The following GALNTL6 variants were observed in gnomAD, a reference collection of about 807,000 sequenced individuals.
GALNTL6 encodes polypeptide N-acetylgalactosaminyltransferase like 6.
Under a neutral mutation model 73.7 loss-of-function variants are expected in GALNTL6, and 46 were observed. The observed-to-expected ratio is 0.62, with a 90% confidence interval of 0.49 to 0.80. The LOEUF (loss-of-function observed/expected upper bound fraction) is 0.80. Among genes scored for constraint, GALNTL6 ranks in the 30% least tolerant of loss-of-function variants. The pLI, the probability that GALNTL6 is intolerant of heterozygous loss-of-function variation, is 0.00. For missense variants in GALNTL6, 604 were observed against 755.0 expected (o/e 0.80, Z 2.34); for synonymous variants, 259 against 263.7 (o/e 0.98, Z 0.17).
At chr4:172,458,414 A>G (rs1561092201) in intron 5 of GALNTL6, among the ~76,000 whole-genome samples, 2 of 151,754 alleles carry the variant, frequency 1.3e-5, no homozygotes, top group Non-Finnish European at 2.9e-5. Flanking sequence ...ACCCTGCAAA[A>G]ACTCAGTGAA....
chr4:173,022,692 T>C (rs1172608179), intron 12 of GALNTL6, among the ~76,000 whole-genome samples: 1 of 152,234 alleles, frequency 6.6e-6, no homozygotes, highest in Non-Finnish European at 1.5e-5. Flanking sequence ...TGCCCAAATG[T>C]AGCAAAGAAG....
intron 5 of GALNTL6, among the ~76,000 whole-genome samples, chr4:172,605,995 T>C (rs528477677): frequency 3.8e-5 from 5 of 132,118 alleles, no homozygotes; most frequent in African/African-American, 1.2e-4. Flanking sequence ...CACCCCATTC[T>C]CCCAGTGTGT....
At chr4:172,876,719 T>C (rs540232685) in intron 7 of GALNTL6, among the ~76,000 whole-genome samples, 37 of 152,354 alleles carry the variant, frequency 2.4e-4, no homozygotes, top group African/African-American at 8.7e-4. Flanking sequence ...ACATGAATTA[T>C]ACAAATGAAT....
intron 2 of GALNTL6, among the ~76,000 whole-genome samples, chr4:171,826,985 C>G (rs571679): frequency 6.6e-6 from 1 of 151,786 alleles, no homozygotes; most frequent in Non-Finnish European, 1.5e-5. Flanking sequence ...GAGTGTCAAC[C>G]TTAAATAATG....
intron 5 of GALNTL6, among the ~76,000 whole-genome samples, chr4:172,680,097 G>T (rs770593670): frequency 1.3e-5 from 2 of 152,016 alleles, no homozygotes; most frequent in African/African-American, 2.4e-5. Context: ...TCTTAAAATG[G>T]ACACTAATAA....
intron 2 of GALNTL6, among the ~76,000 whole-genome samples, chr4:172,178,642 G>A (rs1158859352): frequency 6.9e-6 from 1 of 145,290 alleles, no homozygotes; most frequent in South Asian, 2.2e-4. Context: ...GTGTATATGT[G>A]ACACATTTTC....
At chr4:172,757,955 T>C (rs1020878462) in intron 5 of GALNTL6, among the ~76,000 whole-genome samples, 2 of 152,244 alleles carry the variant, frequency 1.3e-5, no homozygotes, top group African/African-American at 4.8e-5. Context: ...GCCGAAGTTC[T>C]ATAGTGGTGT....
chr4:171,958,706 C>T (rs1739128534), intron 2 of GALNTL6, among the ~76,000 whole-genome samples: 1 of 151,982 alleles, frequency 6.6e-6, no homozygotes, highest in African/African-American at 2.4e-5. Flanking sequence ...ATTAATCTTC[C>T]TCTTTGTGAT....
At chr4:172,449,678 C>G (rs1732142978) in intron 5 of GALNTL6, among the ~76,000 whole-genome samples, 1 of 152,168 alleles carries the variant, frequency 6.6e-6, no homozygotes, top group African/African-American at 2.4e-5. Flanking sequence ...TATCAAACTT[C>G]TAAATAGTGT....
intron 5 of GALNTL6, among the ~76,000 whole-genome samples, chr4:172,366,021 A>G (rs1472598547): frequency 2.0e-5 from 3 of 152,210 alleles, no homozygotes; most frequent in Non-Finnish European, 4.4e-5. Flanking sequence ...AGATAATTTG[A>G]CAGCATGTGT....
At chr4:172,069,491 A>ATG (rs1164884037) in intron 2 of GALNTL6, among the ~76,000 whole-genome samples, 2 of 74,218 alleles carry the variant, frequency 2.7e-5, no homozygotes, top group African/African-American at 4.5e-5. Flanking sequence ...TATAACACAT[A>ATG]TGTTATATGT....
At chr4:172,105,092 A>G (rs559934549) in intron 2 of GALNTL6, among the ~76,000 whole-genome samples, 4 of 152,122 alleles carry the variant, frequency 2.6e-5, no homozygotes, top group East Asian at 3.9e-4. Context: ...GTTCAAAGGG[A>G]AAAAAAAGAA....
At chr4:172,088,043 G>A (rs1364273851) in intron 2 of GALNTL6, among the ~76,000 whole-genome samples, 1 of 152,112 alleles carries the variant, frequency 6.6e-6, no homozygotes, top group Non-Finnish European at 1.5e-5. Flanking sequence ...TCAGAACAAA[G>A]TAGTTACTGG....
chr4:172,005,427 T>G (rs1740809837), intron 2 of GALNTL6, among the ~76,000 whole-genome samples: 1 of 152,096 alleles, frequency 6.6e-6, no homozygotes, highest in African/African-American at 2.4e-5. Context: ...GCCCCAGGAC[T>G]TAAAAAGCTT....
chr4:172,095,280 C>T lies in GALNTL6; in HGVS notation c.139-134376C>T, dbSNP rs188890867. Among the ~76,000 whole-genome samples the T allele has an allele frequency of 4.1e-4, 62 of 152,162 alleles. No homozygotes were observed. The East Asian group carries it at 0.01, about 25-fold the overall frequency. ...GGGCTCTGAGGTAGCAAAGGATGCT[C>T]AACTGGCAGCTCAGGAACTCTGAGA... On this transcript the variant is annotated intron_variant, in intron 2 of 12. Transcript: ENST00000506823.
intron 2 of GALNTL6, among the ~76,000 whole-genome samples, chr4:172,107,345 T>C (rs546914010): frequency 1.3e-5 from 2 of 152,306 alleles, no homozygotes; most frequent in East Asian, 1.9e-4. Flanking sequence ...CTCCAGTTCC[T>C]GTGAAAGACA....
chr4:171,992,394 A>G (rs1740365021), intron 2 of GALNTL6, among the ~76,000 whole-genome samples: 2 of 152,050 alleles, frequency 1.3e-5, no homozygotes, highest in Admixed American at 6.6e-5. Flanking sequence ...ATGTACACCT[A>G]TATAAATGAA....
intron 2 of GALNTL6, among the ~76,000 whole-genome samples, chr4:171,927,622 A>G (rs894994626): frequency 1.3e-5 from 2 of 151,546 alleles, no homozygotes; most frequent in African/African-American, 2.4e-5. Flanking sequence ...CTCATTTCCT[A>G]CCACTCTCTG....
At chr4:172,732,278 T>TTTATCA (rs1736194914) in intron 5 of GALNTL6, among the ~76,000 whole-genome samples, 1 of 152,216 alleles carries the variant, frequency 6.6e-6, no homozygotes, top group Non-Finnish European at 1.5e-5. Flanking sequence ...TCATTTATCA[T>TTTATCA]TTTATAGTGA....
Sources: allele counts gnomAD v4.1 joint callset (sites outside exome capture counted in the v4.1 genomes callset), GRCh38; gene constraint gnomAD v4.1.1; transcripts MANE v1.5; gene names NCBI Gene and HGNC (gene_info 2026-07-23, HGNC 2026-07-21).